Variants in ANAPC2 observed in about 807,000 individuals in gnomAD.
ANAPC2 encodes the protein anaphase promoting complex subunit 2, also known as anaphase-promoting complex subunit 2.
Under a neutral mutation model 84.3 loss-of-function variants are expected in ANAPC2, and 29 were observed. The ratio of observed to expected loss-of-function variants is 0.34; its 90% CI spans 0.26 to 0.47. The LOEUF is 0.47. ANAPC2 is among the 20% of genes least tolerant of loss of function. The pLI is 1.00. For synonymous variants in ANAPC2, 571 were observed against 479.4 expected, an observed-to-expected ratio of 1.19 and a Z score of -2.50; for missense variants, 857 against 1,131.7, an observed-to-expected ratio of 0.76 and a Z score of 3.48.
At chr9:137,182,244 G>A (rs1564377339) in intron 6 of ANAPC2, among the ~76,000 whole-genome samples, 1 of 152,206 alleles carries the variant, frequency 6.6e-6, no homozygotes, top group African/African-American at 2.4e-5. Flanking sequence ...CGGGCACGGT[G>A]GCTCACGCCT....
intron 7 of ANAPC2, 40 bp downstream of exon 7, chr9:137,181,641 C>T (rs376155568): frequency 5.1e-5 from 79 of 1,537,790 alleles, no homozygotes; most frequent in Non-Finnish European, 4.0e-5. Context: ...GCTGAAGCGC[C>T]CCCCACACTG....
intron 10 of ANAPC2, 47 bp from the exon 11 acceptor site, chr9:137,175,884 C>T (rs1834197461): frequency 2.6e-6 from 4 of 1,548,176 alleles, no homozygotes; most frequent in African/African-American, 2.7e-5. Context: ...GCAGGGCGCT[C>T]AGGCCCGTGG....
At chr9:137,186,504 A>C in intron 2 of ANAPC2, 148 bp from the exon 3 acceptor site, 10 of 1,161,458 alleles carry the variant, frequency 8.6e-6, no homozygotes, top group East Asian at 2.6e-5. Flanking sequence ...CACAATCCTC[A>C]GCTGTGGGGG....
rs764594771 is a variant in ANAPC2 at position 137,175,724 on chromosome 9, C to G, written c.2004G>C (p.Leu668=). The change falls in exon 11 of 13, where the codon CTG becomes CTC. Residue 668 remains leucine (L), a synonymous_variant. Coordinates refer to ENST00000323927, the MANE Select transcript of ANAPC2 (RefSeq NM_013366.4). ...TGGGCTCACCTTGGTCCTGAAAATA[C>G]AGCAAGATCACCGCCTGTACTGGGG... The part of the protein sequence containing the change: ...AVTPVQAVIL[L]YFQDQASWTL... 9 of 1,611,530 alleles carry G rather than the reference C, an allele frequency of 5.6e-6. No homozygotes were observed. Among genetic ancestry groups the G allele is most frequent in the Non-Finnish European group, 7.6e-6 (9 of 1,179,296 alleles).
chr9:137,181,763 C>T lies in ANAPC2; in HGVS notation c.1386G>A (p.Ala462=), dbSNP rs781656030. Residue 462 remains alanine (A), a synonymous_variant, in exon 7 of 13, where the codon GCG becomes GCA. Transcript: ENST00000323927. ...CACTGTCCTGGCCTGTCTCCAGGCTCGCCGGGTCGGTCTTGGACAGCTCAA... is the reference window on the plus strand; with the variant it reads ...CACTGTCCTGGCCTGTCTCCAGGCTTGCCGGGTCGGTCTTGGACAGCTCAA... The part of the protein sequence containing the change: ...LAVELSKTDP[A]SLETGQDSED... 56 of 1,611,302 alleles carry T rather than the reference C, an allele frequency of 3.5e-5. No individual in the cohort carries two copies. The Middle Eastern group carries it at 8.2e-4, about 24-fold the overall frequency.
rs1414864348 is a variant in ANAPC2, at chr9:137,187,955, G to A, written c.266C>T (p.Pro89Leu). 5 of 1,613,928 alleles carry A rather than the reference G, an allele frequency of 3.1e-6. No individual in the cohort carries two copies. Among genetic ancestry groups the A allele is most frequent in the Non-Finnish European group, 4.2e-6 (5 of 1,180,032 alleles). Residue 89 changes from proline to leucine, a missense_variant, in exon 2 of 13, where the codon CCT becomes CTT. Pro to Leu is a moderately conservative substitution (Grantham distance 98). Around this residue, in one of 3 missense-constraint regions of ANAPC2, gnomAD observed 428 missense variants for 513.8 expected, o/e 0.83. Coordinates refer to ENST00000323927, the MANE Select transcript of ANAPC2 (RefSeq NM_013366.4). ...LQNDLQANIS[P>L]EFWNAISQCE... ...TTGGGAGATGGCATTCCAGAACTCA[G>A]GGGAGATGTTGGCCTGCAGATCGTT... is the stretch of plus-strand genomic sequence containing the variant.
In ANAPC2 at chr9:137,186,540, G is replaced by C. The variant is rs916809975; in HGVS notation, c.741-184C>G. 6 of 836,700 alleles carry C rather than the reference G, an allele frequency of 7.2e-6. No individual in the cohort carries two copies. In the African/African-American group the frequency reaches 8.6e-5, roughly 12 times the overall value. The allele number at this position is 836,700 out of a possible 1,614,324, so 51.8% of individuals were successfully genotyped here. On this transcript the variant is annotated intron_variant, in intron 2 of 12. Transcript: ENST00000323927. ...GCGGTTGTACCAAAGGCTTCAAGAA[G>C]CCACTGGGAGCACAGAGCACTCCCA...
chr9:137,183,709 G>A lies in ANAPC2; in HGVS notation c.1131C>T (p.Ser377=). 2 of 1,612,846 alleles carry A rather than the reference G, an allele frequency of 1.2e-6. No homozygotes were observed. The highest frequency in any genetic ancestry group is 1.7e-6 in the Non-Finnish European group (2 of 1,179,856). ...GCCGAGTCTCCAGGGCAGCCTTGAG[G>A]GACACGAGCAGCTGCTGCCTCTGGT... ...RTDQRQQLLV[S]LKAALETRLL... The change falls in exon 5 of 13, where the codon TCC becomes TCT. Residue 377 remains serine (S), a synonymous_variant. Transcript: ENST00000323927.
At chr9:137,175,516 C>T in intron 11 of ANAPC2, 44 bp from the exon 12 acceptor site, 1 of 1,510,068 alleles carries the variant, frequency 6.6e-7, no homozygotes, top group South Asian at 1.3e-5. Flanking sequence ...TGGGCACGGG[C>T]TGCACCTCCC....
At chr9:137,175,176 C>T (rs763960927) in intron 12 of ANAPC2, 22 bp from the exon 13 acceptor site, 56 of 1,602,606 alleles carry the variant, frequency 3.5e-5, no homozygotes, top group Admixed American at 3.1e-4. Flanking sequence ...GGCCAGCCCC[C>T]GTCAGGCACC....
intron 1 of ANAPC2, 99 bp from the exon 2 acceptor site, chr9:137,188,202 T>G (rs946754348): frequency 1.4e-6 from 2 of 1,464,320 alleles, no homozygotes; most frequent in African/African-American, 2.8e-5. Flanking sequence ...AAAACTCCGC[T>G]GCCCCCTGTC....
chr9:137,187,672 G>A lies in ANAPC2; in HGVS notation c.549C>T (p.Val183=), dbSNP rs927187842. Residue 183 remains valine, a synonymous_variant, in exon 2 of 13, where the codon GTC becomes GTT. Transcript: ENST00000323927. ...CCCCCTTCCTCTTACTCTGCATATA[G>A]ACTCTCAAGAAGCACCCATACAGAC... The part of the protein sequence containing the change: ...IQRLYGCFLR[V]YMQSKRKGEG... 2.1e-5 allele frequency: 34 copies of A among 1,614,030 alleles called. No individual in the cohort carries two copies. Among genetic ancestry groups the A allele is most frequent in the East Asian group, 1.8e-4 (8 of 44,890 alleles).
chr9:137,186,306 G>A lies in ANAPC2; in HGVS notation c.791C>T (p.Thr264Ile), dbSNP rs774518349. 3 of 1,611,962 alleles carry A rather than the reference G, an allele frequency of 1.9e-6. No homozygotes were observed. The highest frequency in any genetic ancestry group is 1.7e-5 in the Admixed American group (1 of 59,974). The stretch of plus-strand genomic sequence containing the variant: ...CCTCTCCCGGGTCACCTGGTGCAGG[G>A]TGGTGGTCACAGCCTCGGCACTGAC... ...ERVSAEAVTT[T>I]LHQVTRERME... Residue 264 changes from threonine to isoleucine, a missense_variant, in exon 3 of 13, where the codon ACC becomes ATC. By Grantham distance (89) the Thr-to-Ile change is moderately conservative. Around this residue, in one of 3 missense-constraint regions of ANAPC2, gnomAD observed 428 missense variants for 513.8 expected, o/e 0.83. Coordinates refer to ENST00000323927, the MANE Select transcript of ANAPC2 (RefSeq NM_013366.4).
At chr9:137,175,973 C>T (rs1245587501) in intron 10 of ANAPC2, 136 bp from the exon 11 acceptor site, 31 of 1,167,626 alleles carry the variant, frequency 2.7e-5, no homozygotes, top group South Asian at 7.9e-5. Context: ...AGGTGAGCAG[C>T]GAGAGCACAG....
At chr9:137,177,996 A>G (rs1834261741) in intron 10 of ANAPC2, among the ~76,000 whole-genome samples, 1 of 152,134 alleles carries the variant, frequency 6.6e-6, no homozygotes, top group Admixed American at 6.5e-5. Flanking sequence ...TGACTTCTGT[A>G]AAATGATATG....
rs1588766124 is a variant in ANAPC2, at chr9:137,187,136, T to C, written c.740+345A>G. The C allele has an allele frequency of 1.4e-5, 4 of 283,002 alleles. No homozygotes were observed. The East Asian group carries it at 2.7e-4, about 19-fold the overall frequency. The allele number at this position is 283,002 out of a possible 1,614,324, so 17.5% of individuals were successfully genotyped here. On this transcript the variant is annotated intron_variant, in intron 2 of 12. Transcript: ENST00000323927. ...CTGTTCACAATTACAGGGCAAGGAA[T>C]GTCGACGAGGGTGAGAATCATTCCT... is the stretch of plus-strand genomic sequence containing the variant.
At chr9:137,180,656 C>A in intron 8 of ANAPC2, 129 bp from the exon 9 acceptor site, 1 of 1,561,984 alleles carries the variant, frequency 6.4e-7, no homozygotes, top group South Asian at 1.2e-5. Flanking sequence ...GGCTAGCACA[C>A]CCCCAGCCAG....
intron 6 of ANAPC2, 106 bp from the exon 7 acceptor site, chr9:137,181,968 C>T: frequency 4.0e-6 from 5 of 1,242,020 alleles, no homozygotes; most frequent in Middle Eastern, 2.7e-4. Flanking sequence ...ACCGACCCTG[C>T]CTCTACACTC....
At chr9:137,184,513 G>C (rs1834416050) in intron 4 of ANAPC2, among the ~76,000 whole-genome samples, 1 of 141,084 alleles carries the variant, frequency 7.1e-6, no homozygotes, top group South Asian at 2.3e-4. Context: ...CCCAGATGCA[G>C]ACACAGAGCA....
Sources: gnomAD v4.1 joint callset for allele counts (sites outside exome capture counted in the v4.1 genomes callset) on GRCh38, gnomAD v4.1.1 for gene constraint, gnomAD v4.1.1 regional missense constraint, MANE v1.5 for transcripts, NCBI Gene and HGNC (gene_info 2026-07-23, HGNC 2026-07-21) for gene names.